The following UNC13C variants were observed in gnomAD, a reference collection of about 807,000 sequenced individuals.
The protein encoded by UNC13C is unc-13 homolog C.
UNC13C carries 174 observed loss-of-function variants against 245.4 expected under a neutral mutation model. That is an observed-to-expected ratio of 0.71 (90% CI 0.63 to 0.80). The LOEUF (loss-of-function observed/expected upper bound fraction) is 0.80, where lower values mean the gene tolerates loss of function less well. Ranked by LOEUF, UNC13C falls within the 30% of genes least tolerant of loss-of-function variation. UNC13C has a pLI of 0.00. For synonymous variants in UNC13C, 992 were observed against 895.1 expected (o/e 1.11, Z -1.93); for missense variants, 2,829 against 2,602.9 (o/e 1.09, Z -1.89).
At chr15:54,138,215 C>G (rs956062495) in intron 2 of UNC13C, among the ~76,000 whole-genome samples, 2 of 151,946 alleles carry the variant, frequency 1.3e-5, no homozygotes, top group African/African-American at 4.8e-5. Flanking sequence ...TGTTTTGTGG[C>G]TTGAAGACTT....
chr15:53,914,296 G>C, the UNC13C span: 2 of 152,252 alleles, frequency 1.3e-5, no homozygotes, highest in East Asian at 1.9e-4. Context: ...ACCTCCACTT[G>C]TTATATAACT....
intron 28 of UNC13C, among the ~76,000 whole-genome samples, chr15:54,553,503 A>T (rs1244762389): frequency 2.1e-5 from 3 of 139,604 alleles, no homozygotes; most frequent in East Asian, 2.0e-4. Flanking sequence ...TATAATATAT[A>T]TTAAATATAT....
Position 54,511,752 on chromosome 15 carries a change from G to A in UNC13C, c.5380-1G>A, listed in dbSNP as rs866914705. 6.3e-7 allele frequency: 1 copy of A among 1,599,138 alleles called. No individual in the cohort carries two copies. Among genetic ancestry groups the A allele is most frequent in the African/African-American group, 1.3e-5 (1 of 74,148 alleles). Reference sequence around the variant, plus strand: ...AATAGTCTTTTTTTCTATATTTAAAGCCCTGTATCTTGATGAACAATATTC... The same window carrying A: ...AATAGTCTTTTTTTCTATATTTAAAACCCTGTATCTTGATGAACAATATTC... On this transcript the variant is annotated splice_acceptor_variant, in intron 23 of 32. Transcript: ENST00000260323. LOFTEE classifies it high-confidence loss of function.
At position 54,227,260 on chromosome 15, in the gene UNC13C, A is replaced by G. The variant is rs2140803076; in HGVS notation, c.3072-7770A>G. On this transcript the variant is annotated intron_variant, in intron 4 of 32. Transcript: ENST00000260323. ...TGTGCTGATCGGTCCATGGATGGCC[A>G]CGGGCGGGCCTGGAAAAAGCACCAT... 1.3e-5 allele frequency among the ~76,000 whole-genome samples: 2 copies of G among 152,254 alleles called. 1 individual carries two copies. Among genetic ancestry groups the G allele is most frequent in the South Asian group, 4.1e-4 (2 of 4,828 alleles).
the UNC13C span, among the ~76,000 whole-genome samples, chr15:53,853,139 A>T: frequency 2.6e-5 from 4 of 152,010 alleles, no homozygotes; most frequent in Non-Finnish European, 5.9e-5. Flanking sequence ...TAAGCCCAGC[A>T]TCCATTAACT....
At chr15:54,108,124 G>C (rs1337131727) in intron 2 of UNC13C, among the ~76,000 whole-genome samples, 1 of 152,210 alleles carries the variant, frequency 6.6e-6, no homozygotes, top group Non-Finnish European at 1.5e-5. Context: ...TCTGTAGACA[G>C]CATTTAGAGA....
chr15:53,943,302 TC>T, the UNC13C span, among the ~76,000 whole-genome samples: 1 of 152,192 alleles, frequency 6.6e-6, no homozygotes, highest in Non-Finnish European at 1.5e-5. Context: ...AAAATCACAT[TC>T]TCTTGTCACA....
intron 1 of UNC13C, among the ~76,000 whole-genome samples, chr15:54,000,211 A>T (rs965139208): frequency 6.6e-6 from 1 of 152,146 alleles, no homozygotes; most frequent in African/African-American, 2.4e-5. Context: ...TAAAGATATC[A>T]GAGTCAAGAA....
intron 2 of UNC13C, among the ~76,000 whole-genome samples, chr15:54,039,749 G>A (rs1008408547): frequency 6.6e-6 from 1 of 151,904 alleles, no homozygotes; most frequent in Non-Finnish European, 1.5e-5. Context: ...AGCCTATTAG[G>A]ATGTAACTGT....
intron 17 of UNC13C, among the ~76,000 whole-genome samples, chr15:54,350,233 G>A (rs1044739125): frequency 3.3e-5 from 5 of 152,046 alleles, no homozygotes; most frequent in African/African-American, 7.2e-5. Context: ...CTCGTGATCC[G>A]CCTGCCTCGG....
At chr15:53,995,739 G>A (rs1264738110) in intron 1 of UNC13C, among the ~76,000 whole-genome samples, 4 of 152,102 alleles carry the variant, frequency 2.6e-5, no homozygotes, top group Non-Finnish European at 5.9e-5. Context: ...ATGCCAAGTA[G>A]TTAATGGTTT....
chr15:54,495,188 A>G (rs1893896101), intron 20 of UNC13C, among the ~76,000 whole-genome samples: 1 of 152,034 alleles, frequency 6.6e-6, no homozygotes, highest in Non-Finnish European at 1.5e-5. Context: ...TTTCAAACAC[A>G]TTTTAATCAC....
At chr15:54,265,849 A>T (rs2036537810) in intron 10 of UNC13C, among the ~76,000 whole-genome samples, 1 of 151,928 alleles carries the variant, frequency 6.6e-6, no homozygotes, top group Admixed American at 6.6e-5. Flanking sequence ...ACATCTGAAG[A>T]TTTATATCTA....
At chr15:53,902,636 A>G in the UNC13C span, among the ~76,000 whole-genome samples, 1 of 152,172 alleles carries the variant, frequency 6.6e-6, no homozygotes, top group Non-Finnish European at 1.5e-5. Context: ...CACTTTCTAC[A>G]TGCAAGGCAG....
intron 30 of UNC13C, among the ~76,000 whole-genome samples, chr15:54,619,147 T>TTTTATGTCATCACCTACC (rs1900639218): frequency 6.6e-6 from 1 of 152,152 alleles, no homozygotes; most frequent in African/African-American, 2.4e-5. Flanking sequence ...CCTTTCAGCT[T>TTTTATGTCATCACCTACC]TTTATGTCAT....
chr15:53,972,385 G>A, the UNC13C span, among the ~76,000 whole-genome samples: 1 of 152,142 alleles, frequency 6.6e-6, no homozygotes, highest in African/African-American at 2.4e-5. Context: ...TAAAAAGAAA[G>A]GATGCTATGT....
chr15:54,615,488 C>T (rs1271230159), intron 30 of UNC13C, among the ~76,000 whole-genome samples: 1 of 151,802 alleles, frequency 6.6e-6, no homozygotes, highest in Non-Finnish European at 1.5e-5. Flanking sequence ...TGTATTATTC[C>T]CTAGTCTCTT....
intron 4 of UNC13C, among the ~76,000 whole-genome samples, chr15:54,167,751 G>C (rs12911965): frequency 0.28 from 42,126 of 151,308 alleles, 6,119 homozygotes; most frequent in African/African-American, 0.34. Flanking sequence ...TGGTATGCAG[G>C]GTATATAAAA....
At chr15:54,579,194 A>C (rs1446428587) in intron 30 of UNC13C, among the ~76,000 whole-genome samples, 1 of 152,232 alleles carries the variant, frequency 6.6e-6, no homozygotes, top group Non-Finnish European at 1.5e-5. Flanking sequence ...ACAGGATTCC[A>C]AAATAAAGCA....
Sources: gnomAD v4.1 joint callset for allele counts (sites outside exome capture counted in the v4.1 genomes callset) on GRCh38, gnomAD v4.1.1 for gene constraint, MANE v1.5 for transcripts, NCBI Gene and HGNC (gene_info 2026-07-23, HGNC 2026-07-21) for gene names.